The following DOCK3 variants were observed in gnomAD, a reference collection of about 807,000 sequenced individuals.
DOCK3 encodes the protein dedicator of cytokinesis 3.
DOCK3 carries 60 observed loss-of-function variants against 265.6 expected under a neutral mutation model. The ratio of observed to expected loss-of-function variants is 0.23; its 90% CI spans 0.18 to 0.28. The LOEUF is 0.28. Ranked by LOEUF, DOCK3 falls within the 10% of genes least tolerant of loss-of-function variation. DOCK3 has a pLI of 1.00. For missense variants in DOCK3, 1,981 were observed against 2,594.3 expected, an observed-to-expected ratio of 0.76 and a Z score of 5.14; for synonymous variants, 881 against 938.0, an observed-to-expected ratio of 0.94 and a Z score of 1.11.
At chr3:50,801,271 A>G (rs1029056462) in intron 2 of DOCK3, among the ~76,000 whole-genome samples, 2 of 152,120 alleles carry the variant, frequency 1.3e-5, no homozygotes, top group Non-Finnish European at 2.9e-5. Flanking sequence ...TAGGCCGCAC[A>G]GGCTAAACTA....
intron 3 of DOCK3, among the ~76,000 whole-genome samples, chr3:50,857,979 G>C (rs770234411): frequency 2.0e-5 from 3 of 152,126 alleles, no homozygotes; most frequent in Non-Finnish European, 2.9e-5. Context: ...ACATGCACAC[G>C]TATGTTTATT....
At chr3:50,899,151 C>G (rs1396358953) in intron 4 of DOCK3, among the ~76,000 whole-genome samples, 1 of 152,180 alleles carries the variant, frequency 6.6e-6, no homozygotes, top group Non-Finnish European at 1.5e-5. Flanking sequence ...CTTTATGAAT[C>G]TGGGTGCTCC....
At chr3:50,869,956 A>G (rs1426012555) in intron 3 of DOCK3, among the ~76,000 whole-genome samples, 1 of 152,000 alleles carries the variant, frequency 6.6e-6, no homozygotes, top group Admixed American at 6.6e-5. Context: ...TATGATTTCT[A>G]GTTTTATTCC....
At chr3:50,995,910 C>T (rs1046755848) in intron 5 of DOCK3, among the ~76,000 whole-genome samples, 2 of 151,864 alleles carry the variant, frequency 1.3e-5, no homozygotes, top group Non-Finnish European at 2.9e-5. Flanking sequence ...TTGGCGGGGG[C>T]GGAGGGGACT....
chr3:51,282,054 G>T (rs1456725526), intron 27 of DOCK3, among the ~76,000 whole-genome samples: 1 of 152,182 alleles, frequency 6.6e-6, no homozygotes, highest in South Asian at 2.1e-4. Context: ...CTACTGCTGT[G>T]TCTGGTTTCC....
intron 4 of DOCK3, among the ~76,000 whole-genome samples, chr3:50,892,633 T>A (rs1483730849): frequency 6.6e-6 from 1 of 151,990 alleles, no homozygotes; most frequent in Non-Finnish European, 1.5e-5. Context: ...TCACCCAGAG[T>A]GCTGGAGTAG....
At chr3:51,043,580 A>G (rs2109049829) in intron 5 of DOCK3, among the ~76,000 whole-genome samples, 2 of 152,266 alleles carry the variant, frequency 1.3e-5, no homozygotes, top group Middle Eastern at 6.8e-3. Flanking sequence ...GCAAAAATTG[A>G]CAAATGGGAT....
intron 1 of DOCK3, among the ~76,000 whole-genome samples, chr3:50,733,149 T>C (rs912161872): frequency 3.3e-5 from 5 of 152,330 alleles, no homozygotes; most frequent in Middle Eastern, 3.4e-3. Flanking sequence ...GTAGTTAATA[T>C]ATGGTATATC....
At chr3:50,719,549 T>C in intron 1 of DOCK3, 1 of 1,288,204 alleles carries the variant, frequency 7.8e-7, no homozygotes, top group South Asian at 1.2e-5. Flanking sequence ...TCTAGAGCAC[T>C]CCATGGCCTG....
intron 2 of DOCK3, among the ~76,000 whole-genome samples, chr3:50,841,451 A>C (rs557497830): frequency 6.6e-6 from 1 of 152,270 alleles, no homozygotes; most frequent in Admixed American, 6.5e-5. Context: ...CATTTTACTC[A>C]GTTGAAAGGG....
chr3:51,337,914 A>G (rs191500137), intron 35 of DOCK3, among the ~76,000 whole-genome samples: 45 of 152,330 alleles, frequency 3.0e-4, no homozygotes, highest in Admixed American at 2.8e-3. Flanking sequence ...GGTGGTGAAC[A>G]TGTACAGAGC....
chr3:51,044,822 A>G (rs2080697831), intron 5 of DOCK3, among the ~76,000 whole-genome samples: 1 of 152,080 alleles, frequency 6.6e-6, no homozygotes, highest in Admixed American at 6.6e-5. Context: ...AACCTCTTTT[A>G]GCTTAGACTT....
At chr3:50,795,489 C>T (rs757719875) in intron 2 of DOCK3, among the ~76,000 whole-genome samples, 1 of 152,118 alleles carries the variant, frequency 6.6e-6, no homozygotes, top group Non-Finnish European at 1.5e-5. Flanking sequence ...TCAAGTGATT[C>T]TCCTGTCTCA....
At chr3:50,869,373 TTTTTTTTTTTTTTTTTTG>T (rs2047326571) in intron 3 of DOCK3, among the ~76,000 whole-genome samples, 1 of 73,882 alleles carries the variant, frequency 1.4e-5, no homozygotes, top group African/African-American at 5.9e-5. Context: ...TTTTTTTTTT[TTTTTTTTTTTTTTTTTTG>T]GAGATAGGGT....
intron 5 of DOCK3, among the ~76,000 whole-genome samples, chr3:51,009,453 C>T (rs568188070): frequency 3.2e-4 from 48 of 152,198 alleles, no homozygotes; most frequent in African/African-American, 1.1e-3. Context: ...TCTTTGGGAT[C>T]GATGGTGATA....
At chr3:50,933,722 A>C (rs2051197750) in intron 4 of DOCK3, among the ~76,000 whole-genome samples, 1 of 152,178 alleles carries the variant, frequency 6.6e-6, no homozygotes, top group African/African-American at 2.4e-5. Context: ...TCTGTTCTTT[A>C]AAAAGTGTGT....
chr3:50,775,398 A>G (rs1429096450), intron 1 of DOCK3, among the ~76,000 whole-genome samples: 1 of 152,040 alleles, frequency 6.6e-6, no homozygotes, highest in African/African-American at 2.4e-5. Context: ...ATTAGTTGGT[A>G]TAAGTTTTTT....
chr3:51,217,310 G>A (rs981523933), intron 14 of DOCK3, among the ~76,000 whole-genome samples: 2 of 152,122 alleles, frequency 1.3e-5, no homozygotes, highest in African/African-American at 4.8e-5. Flanking sequence ...TTCCATGAGA[G>A]TGTACATACA....
chr3:50,807,968 C>T (rs12490519), intron 2 of DOCK3, among the ~76,000 whole-genome samples: 12,381 of 152,228 alleles, frequency 0.081, 1,129 homozygotes, highest in East Asian at 0.33. Context: ...CCAGGCTGGT[C>T]TCAAGCAGTC....
Sources: gnomAD v4.1 joint callset for allele counts (sites outside exome capture counted in the v4.1 genomes callset) on GRCh38, gnomAD v4.1.1 for gene constraint, MANE v1.5 for transcripts, NCBI Gene and HGNC (gene_info 2026-07-23, HGNC 2026-07-21) for gene names.